Variants in XKR9 observed in about 807,000 individuals in gnomAD.
XKR9 encodes the protein XK related 9.
Under a neutral mutation model 32.0 loss-of-function variants are expected in XKR9, and 32 were observed. The ratio of observed to expected loss-of-function variants is 1.00; its 90% CI spans 0.76 to 1.34. The LOEUF (loss-of-function observed/expected upper bound fraction) is 1.34. Among genes scored for constraint, XKR9 ranks in the 40% most tolerant of loss-of-function variants. XKR9 has a pLI of 0.00. For synonymous variants in XKR9, 168 were observed against 143.4 expected, an observed-to-expected ratio of 1.17 and a Z score of -1.22; for missense variants, 546 against 429.7, an observed-to-expected ratio of 1.27 and a Z score of -2.39.
the XKR9 span, among the ~76,000 whole-genome samples, chr8:70,858,428 C>T: frequency 6.6e-6 from 1 of 151,862 alleles, no homozygotes; most frequent in Non-Finnish European, 1.5e-5. Context: ...AGGATCTCTT[C>T]AAGGAGAACT....
the XKR9 span, among the ~76,000 whole-genome samples, chr8:70,909,828 C>A: frequency 1.1e-4 from 16 of 150,124 alleles, no homozygotes; most frequent in Non-Finnish European, 2.2e-4. Flanking sequence ...CATGTCTCAG[C>A]CTCCCAAGTA....
chr8:70,878,831 C>T, the XKR9 span, among the ~76,000 whole-genome samples: 1 of 152,120 alleles, frequency 6.6e-6, no homozygotes, highest in Non-Finnish European at 1.5e-5. Context: ...GAACTCTCCA[C>T]CCCAAATCAA....
the XKR9 span, among the ~76,000 whole-genome samples, chr8:71,056,107 G>C: frequency 3.3e-3 from 506 of 152,320 alleles, 1 homozygote; most frequent in African/African-American, 0.012. Context: ...CATTTAAGGA[G>C]TAGACCTTAT....
the XKR9 span, among the ~76,000 whole-genome samples, chr8:70,912,823 G>A: frequency 6.6e-6 from 1 of 152,088 alleles, no homozygotes; most frequent in Admixed American, 6.6e-5. Context: ...ACAGAAGCCA[G>A]GGGAATTTCA....
the XKR9 span, among the ~76,000 whole-genome samples, chr8:70,902,691 TCCC>T: frequency 6.6e-6 from 1 of 152,208 alleles, no homozygotes; most frequent in Non-Finnish European, 1.5e-5. Flanking sequence ...AGAGAGGGCA[TCCC>T]TGTCTTGTGC....
At chr8:70,685,359 G>T (rs56183200) in intron 3 of XKR9, among the ~76,000 whole-genome samples, 4 of 87,338 alleles carry the variant, frequency 4.6e-5, no homozygotes, top group Non-Finnish European at 8.1e-5. Context: ...GTGGGGGGAG[G>T]GGGGAGGGAT....
chr8:70,860,228 G>A, the XKR9 span, among the ~76,000 whole-genome samples: 1 of 152,076 alleles, frequency 6.6e-6, no homozygotes, highest in African/African-American at 2.4e-5. Flanking sequence ...ATTTGGAGGT[G>A]GGGCCTTTGA....
At chr8:70,985,842 G>T in the XKR9 span, among the ~76,000 whole-genome samples, 1 of 151,932 alleles carries the variant, frequency 6.6e-6, no homozygotes, top group South Asian at 2.1e-4. Context: ...TAAGATAAGA[G>T]ATAAAAATAA....
chr8:70,982,704 A>G, the XKR9 span, among the ~76,000 whole-genome samples: 2 of 152,124 alleles, frequency 1.3e-5, no homozygotes, highest in Non-Finnish European at 2.9e-5. Flanking sequence ...GGGTCTGTGG[A>G]TTCTCTTGGC....
At chr8:70,726,553 A>T (rs1164373959) in intron 4 of XKR9, among the ~76,000 whole-genome samples, 3 of 152,206 alleles carry the variant, frequency 2.0e-5, no homozygotes, top group Non-Finnish European at 2.9e-5. Context: ...TGGTATTAAG[A>T]TCCTGAAGCA....
At chr8:70,959,252 C>T in the XKR9 span, among the ~76,000 whole-genome samples, 1 of 152,074 alleles carries the variant, frequency 6.6e-6, no homozygotes, top group African/African-American at 2.4e-5. Flanking sequence ...ATTATTTCCA[C>T]AAAAAGATGC....
intron 3 of XKR9, among the ~76,000 whole-genome samples, chr8:70,689,052 C>G (rs890616332): frequency 2.6e-5 from 4 of 151,904 alleles, no homozygotes; most frequent in African/African-American, 9.7e-5. Context: ...ACACACAGAA[C>G]AAAAGCATAA....
At chr8:70,718,730 A>G (rs776483304) in intron 4 of XKR9, among the ~76,000 whole-genome samples, 1 of 152,194 alleles carries the variant, frequency 6.6e-6, no homozygotes, top group Non-Finnish European at 1.5e-5. Flanking sequence ...ATTGATGAGC[A>G]TTTGGGTTGT....
chr8:70,840,629 G>A, the XKR9 span, among the ~76,000 whole-genome samples: 1 of 152,034 alleles, frequency 6.6e-6, no homozygotes, highest in Non-Finnish European at 1.5e-5. Context: ...ATGGCTTCCA[G>A]AAGTTCAGCA....
chr8:70,714,828 A>T (rs1452513727), intron 4 of XKR9, among the ~76,000 whole-genome samples: 1 of 152,196 alleles, frequency 6.6e-6, no homozygotes, highest in Non-Finnish European at 1.5e-5. Context: ...TCAGAAATAA[A>T]TTAATGAAAA....
At chr8:70,831,522 C>A in the XKR9 span, among the ~76,000 whole-genome samples, 1 of 151,550 alleles carries the variant, frequency 6.6e-6, no homozygotes, top group Non-Finnish European at 1.5e-5. Flanking sequence ...AAGACTTCTC[C>A]TTCATCTCTT....
chr8:71,042,925 A>G, the XKR9 span, among the ~76,000 whole-genome samples: 1 of 152,178 alleles, frequency 6.6e-6, no homozygotes, highest in Admixed American at 6.5e-5. Context: ...TTTTTTAAGT[A>G]GTAGGCATTG....
chr8:70,701,113 G>A (rs993967205), intron 3 of XKR9, among the ~76,000 whole-genome samples: 2 of 152,152 alleles, frequency 1.3e-5, no homozygotes, highest in Non-Finnish European at 2.9e-5. Context: ...ACTAGGAAAG[G>A]GAACTCCCTG....
chr8:70,920,529 C>G, the XKR9 span, among the ~76,000 whole-genome samples: 1 of 151,788 alleles, frequency 6.6e-6, no homozygotes, highest in Non-Finnish European at 1.5e-5. Flanking sequence ...TTTTAAAGCC[C>G]TTTTTGTGGG....
Sources: gnomAD v4.1 joint callset for allele counts (sites outside exome capture counted in the v4.1 genomes callset) on GRCh38, gnomAD v4.1.1 for gene constraint, MANE v1.5 for transcripts, NCBI Gene and HGNC (gene_info 2026-07-23, HGNC 2026-07-21) for gene names.